The following PTPRD variants were observed in gnomAD, a reference collection of about 807,000 sequenced individuals.
PTPRD encodes receptor-type tyrosine-protein phosphatase delta.
PTPRD carries 34 observed loss-of-function variants against 214.5 expected under a neutral mutation model. The ratio of observed to expected loss-of-function variants is 0.16; its 90% confidence interval spans 0.12 to 0.21. PTPRD has a LOEUF of 0.21. Ranked by LOEUF, PTPRD falls within the 10% of genes least tolerant of loss-of-function variation. The probability of loss-of-function intolerance (pLI) is 1.00; values close to 1 mark genes in which losing one functional copy is unlikely to be tolerated. For synonymous variants in PTPRD, 1,128 were observed against 845.7 expected (o/e 1.33, Z -5.79); for missense variants, 2,545 against 2,398.7 (o/e 1.06, Z -1.27).
chr9:8,682,211 T>G (rs1007349118), intron 12 of PTPRD, among the ~76,000 whole-genome samples: 9 of 152,290 alleles, frequency 5.9e-5, no homozygotes, highest in African/African-American at 2.2e-4. Context: ...CAACAAATAG[T>G]GTTTTTGCAC....
chr9:9,497,406 G>C (rs900656824), intron 8 of PTPRD, among the ~76,000 whole-genome samples: 2 of 151,988 alleles, frequency 1.3e-5, no homozygotes, highest in African/African-American at 2.4e-5. Context: ...AATAGATTTG[G>C]CATTCAAGAG....
intron 9 of PTPRD, among the ~76,000 whole-genome samples, chr9:9,280,241 C>A (rs751077430): frequency 5.3e-5 from 8 of 151,108 alleles, no homozygotes; most frequent in East Asian, 2.0e-4. Flanking sequence ...TGTACTAAGA[C>A]GGAGTGACTT....
intron 2 of PTPRD, among the ~76,000 whole-genome samples, chr9:10,394,430 C>G (rs532120280): frequency 9.2e-5 from 14 of 151,462 alleles, no homozygotes; most frequent in Non-Finnish European, 1.3e-4. Context: ...TAGGAACATA[C>G]AAAGGACAAA....
At chr9:8,336,223 A>G (rs541915591) in intron 43 of PTPRD, among the ~76,000 whole-genome samples, 134 of 149,226 alleles carry the variant, frequency 9.0e-4, no homozygotes, top group African/African-American at 3.2e-3. Context: ...ACAGTAACCA[A>G]AACAGCATGG....
At chr9:8,838,655 G>A (rs930182802) in intron 11 of PTPRD, among the ~76,000 whole-genome samples, 6 of 152,028 alleles carry the variant, frequency 3.9e-5, no homozygotes, top group East Asian at 1.9e-4. Context: ...ACTCTTGGTT[G>A]TGAATTTATT....
chr9:8,761,032 G>A (rs528177891), intron 11 of PTPRD, among the ~76,000 whole-genome samples: 1 of 152,306 alleles, frequency 6.6e-6, no homozygotes, highest in South Asian at 2.1e-4. Context: ...TTTGGGGCAA[G>A]AAGGACACCA....
chr9:10,025,588 T>G (rs1004346238), intron 4 of PTPRD, among the ~76,000 whole-genome samples: 1 of 152,194 alleles, frequency 6.6e-6, no homozygotes, highest in African/African-American at 2.4e-5. Context: ...AAAAGAGATT[T>G]AGAATGGGTG....
At position 9,140,814 on chromosome 9, in the gene PTPRD, G is replaced by T. The variant is rs10118440; in HGVS notation, c.-143+42490C>A. 5.1e-3 allele frequency among the ~76,000 whole-genome samples: 776 copies of T among 152,208 alleles called. 6 individuals are homozygous for T. The highest frequency in any genetic ancestry group is 0.018 in the African/African-American group (741 of 41,546). On this transcript the variant is annotated intron_variant, in intron 10 of 45. Transcript: ENST00000381196. The stretch of plus-strand genomic sequence containing the variant: ...AGGATGGTCTCGATCTCCTGACCTC[G>T]TGATCTGCCCGCCTCAGCCTCCCAA...
intron 11 of PTPRD, among the ~76,000 whole-genome samples, chr9:8,908,370 T>C (rs7022100): frequency 0.23 from 34,574 of 151,986 alleles, 4,242 homozygotes; most frequent in African/African-American, 0.3. Context: ...AGTTATTAAA[T>C]TCAAAAGAAT....
At chr9:10,508,962 T>C (rs1361587334) in intron 2 of PTPRD, among the ~76,000 whole-genome samples, 2 of 151,910 alleles carry the variant, frequency 1.3e-5, no homozygotes, top group Non-Finnish European at 2.9e-5. Flanking sequence ...AAAATAATAG[T>C]AAAAATATAA....
At chr9:9,303,178 A>C (rs1956053566) in intron 9 of PTPRD, among the ~76,000 whole-genome samples, 1 of 152,062 alleles carries the variant, frequency 6.6e-6, no homozygotes, top group Admixed American at 6.6e-5. Context: ...CAATGCAAAC[A>C]GACTTTCTTT....
At chr9:9,602,730 G>C (rs1326773) in intron 7 of PTPRD, among the ~76,000 whole-genome samples, 66,001 of 151,628 alleles carry the variant, frequency 0.44, 15,074 homozygotes, top group Non-Finnish European at 0.51. Context: ...TCTTATTCCC[G>C]TCTGGATAAA....
intron 21 of PTPRD, among the ~76,000 whole-genome samples, chr9:8,510,081 C>T (rs34335534): frequency 0.12 from 18,221 of 151,804 alleles, 1,142 homozygotes; most frequent in East Asian, 0.18. Context: ...GTCAGGGGTT[C>T]GAGACCAGCC....
At chr9:9,690,176 A>G (rs2154403125) in intron 7 of PTPRD, among the ~76,000 whole-genome samples, 1 of 151,910 alleles carries the variant, frequency 6.6e-6, no homozygotes, top group South Asian at 2.1e-4. Context: ...TTTGGATATA[A>G]GCCATTTTAA....
intron 9 of PTPRD, among the ~76,000 whole-genome samples, chr9:9,193,900 T>C (rs1321421136): frequency 6.6e-6 from 1 of 152,152 alleles, no homozygotes; most frequent in African/African-American, 2.4e-5. Context: ...TAACCTTAGA[T>C]TACTGTAACT....
chr9:10,385,910 A>G (rs1411499506), intron 2 of PTPRD, among the ~76,000 whole-genome samples: 1 of 151,884 alleles, frequency 6.6e-6, no homozygotes, highest in African/African-American at 2.4e-5. Flanking sequence ...TATTTTTTAC[A>G]CATGAAATAA....
chr9:9,924,021 C>A (rs746047980), intron 5 of PTPRD, among the ~76,000 whole-genome samples: 4 of 151,932 alleles, frequency 2.6e-5, no homozygotes, highest in Non-Finnish European at 4.4e-5. Flanking sequence ...AATTTGAAAT[C>A]ATCACTAACA....
In PTPRD at chr9:9,869,882, A is replaced by C. The variant is rs138773805; in HGVS notation, c.-368+68625T>G. On this transcript the variant is annotated intron_variant, in intron 5 of 45. Coordinates refer to ENST00000381196, the MANE Select transcript of PTPRD (RefSeq NM_002839.4). ...GTAAAAATACAGCAGAGATTGAGACAAGTGGGAAAACAATTAGAGAACAGC... is the reference window on the plus strand; with the variant it reads ...GTAAAAATACAGCAGAGATTGAGACCAGTGGGAAAACAATTAGAGAACAGC... 1.3e-3 allele frequency among the ~76,000 whole-genome samples: 198 copies of C among 152,168 alleles called. 2 individuals are homozygous for C. The highest frequency in any genetic ancestry group is 4.6e-3 in the African/African-American group (190 of 41,552).
Position 8,802,667 on chromosome 9 carries a change from T to C in PTPRD, c.-103-68721A>G, listed in dbSNP as rs747749131. Reference sequence around the variant, plus strand: ...TAGATCCTAAGGCCATATGTTTTTATTCGGAAAAGGCCCTGACAACCCACA... The same window carrying C: ...TAGATCCTAAGGCCATATGTTTTTACTCGGAAAAGGCCCTGACAACCCACA... On this transcript the variant is annotated intron_variant, in intron 11 of 45. Transcript: ENST00000381196. Among the ~76,000 whole-genome samples the C allele has an allele frequency of 4.6e-5, 7 of 152,328 alleles. No individual in the cohort carries two copies. The Middle Eastern group carries it at 0.01, about 222-fold the overall frequency.
Sources: gnomAD v4.1 joint callset for allele counts (sites outside exome capture counted in the v4.1 genomes callset) on GRCh38, gnomAD v4.1.1 for gene constraint, MANE v1.5 for transcripts, NCBI Gene and HGNC (gene_info 2026-07-23, HGNC 2026-07-21) for gene names.